PDE8A: variants seen among roughly 807,000 people sequenced by gnomAD.
The protein encoded by PDE8A is phosphodiesterase 8A.
PDE8A carries 59 observed loss-of-function variants against 105.0 expected under a neutral mutation model. The ratio of observed to expected loss-of-function variants is 0.56; its 90% confidence interval spans 0.46 to 0.70. The LOEUF (loss-of-function observed/expected upper bound fraction) is 0.70. Ranked by LOEUF, PDE8A falls within the 30% of genes least tolerant of loss-of-function variation. PDE8A has a pLI of 0.00. For missense variants in PDE8A, 1,014 were observed against 1,045.9 expected (o/e 0.97, Z 0.42); for synonymous variants, 355 against 371.9 (o/e 0.95, Z 0.52).
At chr15:84,998,622 T>C (rs1298017734) in intron 1 of PDE8A, among the ~76,000 whole-genome samples, 1 of 152,238 alleles carries the variant, frequency 6.6e-6, no homozygotes, top group Non-Finnish European at 1.5e-5. Flanking sequence ...TTTATCAATA[T>C]GTAGTCAGTA....
chr15:85,033,432 TTGGTTGA>T (rs2080649247), intron 1 of PDE8A, among the ~76,000 whole-genome samples: 1 of 152,008 alleles, frequency 6.6e-6, no homozygotes, highest in African/African-American at 2.4e-5. Flanking sequence ...CCTTTTGCTT[TTGGTTGA>T]TGGGGGAGAG....
At chr15:85,119,614 G>A (rs1400253328) in intron 17 of PDE8A, among the ~76,000 whole-genome samples, 1 of 151,716 alleles carries the variant, frequency 6.6e-6, no homozygotes, top group Non-Finnish European at 1.5e-5. Context: ...GAGTCTGTAG[G>A]GTATTTCCAA....
chr15:85,047,116 G>C (rs2080899173), intron 1 of PDE8A, among the ~76,000 whole-genome samples: 1 of 152,132 alleles, frequency 6.6e-6, no homozygotes, highest in African/African-American at 2.4e-5. Flanking sequence ...TTTTAAAGCT[G>C]AAAGATAAAA....
At chr15:84,993,689 G>C (rs2079928410) in intron 1 of PDE8A, among the ~76,000 whole-genome samples, 1 of 151,794 alleles carries the variant, frequency 6.6e-6, no homozygotes, top group Admixed American at 6.6e-5. Flanking sequence ...AGAACAGCTT[G>C]GGAAACATAG....
At chr15:84,982,886 T>C (rs1416152056) in intron 1 of PDE8A, among the ~76,000 whole-genome samples, 2 of 152,264 alleles carry the variant, frequency 1.3e-5, no homozygotes, top group Non-Finnish European at 2.9e-5. Flanking sequence ...CTTTGCTTCA[T>C]TGCACATGTA....
chr15:84,998,402 G>C (rs1239490365), intron 1 of PDE8A, among the ~76,000 whole-genome samples: 1 of 152,184 alleles, frequency 6.6e-6, no homozygotes, highest in East Asian at 1.9e-4. Context: ...GCAAAGTGTA[G>C]CCTTGTCCAG....
At position 85,100,071 on chromosome 15, in the gene PDE8A, G is replaced by C. The variant is rs773407289; in HGVS notation, c.993+5G>C. On this transcript the variant is annotated splice_donor_5th_base_variant and intron_variant, in intron 10 of 21. Coordinates refer to ENST00000394553, the MANE Select transcript of PDE8A (RefSeq NM_002605.3). ...GTGTGCAATGGCAACAATAAGGTAC[G>C]TAAGGAGAGCCCCCCGGGGCCCCAG... The C allele has an allele frequency of 1.2e-6, 2 of 1,613,658 alleles. No individual in the cohort carries two copies. The highest frequency in any genetic ancestry group is 1.7e-6 in the Non-Finnish European group (2 of 1,179,674).
chr15:85,079,350 G>T (rs1014349329), intron 5 of PDE8A, among the ~76,000 whole-genome samples: 2 of 152,180 alleles, frequency 1.3e-5, no homozygotes, highest in Admixed American at 1.3e-4. Flanking sequence ...AGCCCAAGAA[G>T]TATTCATCTT....
Position 85,137,785 on chromosome 15 carries a change from CTT to C in PDE8A, c.2384-10_2384-9del. On this transcript the variant is annotated splice_polypyrimidine_tract_variant and intron_variant, in intron 21 of 21. Transcript: ENST00000394553. ...CTGTGAAAGCATATCACATTCCTAT[CTT>C]TCTCTCCAGCCTTTGTAGACCTGCC... The C allele has an allele frequency of 2.0e-6, 3 of 1,527,968 alleles. No individual in the cohort carries two copies. Among genetic ancestry groups the C allele is most frequent in the Non-Finnish European group, 2.7e-6 (3 of 1,101,462 alleles). The allele number at this position is 1,527,968 out of a possible 1,614,324, so 94.7% of individuals were successfully genotyped here.
At chr15:85,088,437 A>G (rs1000607664) in intron 6 of PDE8A, among the ~76,000 whole-genome samples, 3 of 152,260 alleles carry the variant, frequency 2.0e-5, no homozygotes, top group African/African-American at 7.2e-5. Flanking sequence ...GCATATATCA[A>G]GACTTCGTGT....
At chr15:85,042,056 AAG>A (rs2080817826) in intron 1 of PDE8A, among the ~76,000 whole-genome samples, 1 of 148,458 alleles carries the variant, frequency 6.7e-6, no homozygotes, top group South Asian at 2.1e-4. Context: ...AAATTCCAAA[AAG>A]AAACTTTAAA....
chr15:85,058,246 T>G (rs1301364379), intron 1 of PDE8A, among the ~76,000 whole-genome samples: 3 of 151,972 alleles, frequency 2.0e-5, no homozygotes, highest in Non-Finnish European at 4.4e-5. Context: ...ATGACCAGCT[T>G]TTTCTTCTTC....
intron 4 of PDE8A, among the ~76,000 whole-genome samples, chr15:85,076,241 G>A (rs983308009): frequency 6.6e-6 from 1 of 152,100 alleles, no homozygotes; most frequent in African/African-American, 2.4e-5. Context: ...TCTGAGGGGG[G>A]AATCTTAGGT....
intron 1 of PDE8A, among the ~76,000 whole-genome samples, chr15:85,053,495 G>C (rs1000022580): frequency 8.6e-5 from 13 of 152,002 alleles, no homozygotes; most frequent in Non-Finnish European, 1.6e-4. Context: ...CTTTTATTTT[G>C]TTGAGCAGTG....
intron 3 of PDE8A, among the ~76,000 whole-genome samples, chr15:85,069,117 T>C (rs1596487298): frequency 6.6e-6 from 1 of 152,320 alleles, no homozygotes; most frequent in Non-Finnish European, 1.5e-5. Context: ...AAAAAAGTAA[T>C]GTTACGTGCT....
chr15:85,072,887 C>T (rs1465148809), intron 3 of PDE8A, among the ~76,000 whole-genome samples: 1 of 152,130 alleles, frequency 6.6e-6, no homozygotes, highest in Non-Finnish European at 1.5e-5. Context: ...CCAAGGCAGG[C>T]AGATTGCTTG....
At position 84,989,076 on chromosome 15, in the gene PDE8A, T is replaced by C. The variant is rs16974680; in HGVS notation, c.186+6728T>C. Among the ~76,000 whole-genome samples the C allele has an allele frequency of 4.6e-5, 7 of 152,268 alleles. No homozygotes were observed. The East Asian group carries it at 9.6e-4, about 21-fold the overall frequency. ...TAAAGCTTTTGCCTCCAATTTTGTC[T>C]GAGTTAGGGTTAAGCAATGTTCCTG... is the stretch of plus-strand genomic sequence containing the variant. On this transcript the variant is annotated intron_variant, in intron 1 of 21. Transcript: ENST00000394553.
chr15:84,993,102 T>C (rs2079910937), intron 1 of PDE8A, among the ~76,000 whole-genome samples: 3 of 152,238 alleles, frequency 2.0e-5, no homozygotes, highest in Non-Finnish European at 2.9e-5. Flanking sequence ...TTACTTTTCC[T>C]GATTGTAAAA....
At chr15:85,033,712 A>G (rs997600342) in intron 1 of PDE8A, among the ~76,000 whole-genome samples, 1 of 152,044 alleles carries the variant, frequency 6.6e-6, no homozygotes, top group South Asian at 2.1e-4. Context: ...TAAAAATACA[A>G]AAATTAGCTG....
Sources: gnomAD v4.1 joint callset for allele counts (sites outside exome capture counted in the v4.1 genomes callset) on GRCh38, gnomAD v4.1.1 for gene constraint, MANE v1.5 for transcripts, NCBI Gene and HGNC (gene_info 2026-07-23, HGNC 2026-07-21) for gene names.